DMD: variants seen among roughly 807,000 people sequenced by gnomAD.
DMD encodes dystrophin, also known as mutant dystrophin.
A neutral mutation model predicts 330.1 loss-of-function variants in DMD; 63 were observed. The observed-to-expected ratio is 0.19, with a 90% confidence interval of 0.16 to 0.24. The LOEUF (loss-of-function observed/expected upper bound fraction) is 0.24, where lower values mean the gene tolerates loss of function less well. Ranked by LOEUF, DMD falls within the 10% of genes least tolerant of loss-of-function variation. The probability of loss-of-function intolerance (pLI) is 1.00; values close to 1 mark genes in which losing one functional copy is unlikely to be tolerated. For synonymous variants in DMD, 1,223 were observed against 959.8 expected (o/e 1.27, Z -5.07); for missense variants, 3,344 against 2,684.1 (o/e 1.25, Z -5.43).
chrX:32,614,029 G>T (rs1264417857), intron 12 of DMD, among the ~76,000 whole-genome samples: 1 of 109,975 alleles, frequency 9.1e-6, no homozygotes, highest in African/African-American at 3.3e-5. Context: ...CTTTTATATG[G>T]GACTTGATCC....
Position 32,386,299 on chromosome X carries a change from C to T in DMD, c.4674+11G>A. ...TGGAAAGAAGTGTTTGTGGTCTCAG[C>T]ATGCACACACCTTTGCTCCCAGCTC... On this transcript the variant is annotated intron_variant, in intron 33 of 78. Transcript: ENST00000357033. 1 of 1,208,014 alleles carries T rather than the reference C, an allele frequency of 8.3e-7. No individual in the cohort carries two copies. The highest frequency in any genetic ancestry group is 1.1e-6 in the Non-Finnish European group (1 of 892,712).
rs186135322 is a variant in DMD, at chrX:32,946,926, G to A, written c.93+73213C>T. 4.3e-4 allele frequency among the ~76,000 whole-genome samples: 48 copies of A among 112,135 alleles called. No homozygotes were observed. In the East Asian group the frequency reaches 4.8e-3, roughly 11 times the overall value. ...GCATCTGTAAGTTTTAAAGACTCTC[G>A]TGATGTTCTAAATATCAGCAAAGGC... On this transcript the variant is annotated intron_variant, in intron 2 of 78. Transcript: ENST00000357033.
intron 2 of DMD, among the ~76,000 whole-genome samples, chrX:32,864,300 CAAGT>C (rs1057269417): frequency 1.8e-5 from 2 of 111,563 alleles, no homozygotes; most frequent in African/African-American, 6.5e-5. Context: ...GGTCACACAG[CAAGT>C]AAGTGCTAGA....
At chrX:32,852,760 C>A (rs1237910688) in intron 2 of DMD, among the ~76,000 whole-genome samples, 2 of 111,198 alleles carry the variant, frequency 1.8e-5, no homozygotes, top group Non-Finnish European at 3.8e-5. Context: ...AGGCAGTACT[C>A]ACCATGAGCC....
chrX:31,932,197 T>C lies in DMD; in HGVS notation c.6645A>G (p.Glu2215=). 1 of 1,192,622 alleles carries C rather than the reference T, an allele frequency of 8.4e-7. No homozygotes were observed. The highest frequency in any genetic ancestry group is 1.1e-6 in the Non-Finnish European group (1 of 878,334). ...RLEEQKNILS[E]FQRDLNEFVL... ...CAAATTCATTTAAATCTCTTTGAAATTCTGACAAGATATTCTTTTGTTCTT... is the reference window on the plus strand; with the variant it reads ...CAAATTCATTTAAATCTCTTTGAAACTCTGACAAGATATTCTTTTGTTCTT... Residue 2215 remains glutamate (E), a synonymous_variant, in exon 46 of 79, where the codon GAA becomes GAG. Transcript: ENST00000357033.
chrX:33,318,251 T>G (rs192801108), intron 1 of DMD, among the ~76,000 whole-genome samples: 1 of 110,725 alleles, frequency 9.0e-6, no homozygotes, highest in African/African-American at 3.3e-5. Flanking sequence ...GATATATATA[T>G]GATTTGATGA....
intron 44 of DMD, among the ~76,000 whole-genome samples, chrX:32,196,878 C>T (rs188315619): frequency 1.2e-3 from 123 of 102,299 alleles, no homozygotes; most frequent in African/African-American, 4.2e-3. Context: ...ACCAGCTACT[C>T]GGGAGGCTGA....
At chrX:32,452,717 A>T (rs923510103) in intron 26 of DMD, among the ~76,000 whole-genome samples, 3 of 110,255 alleles carry the variant, frequency 2.7e-5, no homozygotes, top group Non-Finnish European at 3.8e-5. Flanking sequence ...CTCAGGGGTG[A>T]CCTCCCCAAA....
intron 51 of DMD, among the ~76,000 whole-genome samples, chrX:31,745,239 T>A (rs893100273): frequency 9.1e-6 from 1 of 110,448 alleles, no homozygotes; most frequent in African/African-American, 3.3e-5. Context: ...AGCAGAGTGG[T>A]TGAGAAAGAG....
At chrX:31,829,490 T>C (rs2092971913) in intron 49 of DMD, among the ~76,000 whole-genome samples, 1 of 111,023 alleles carries the variant, frequency 9.0e-6, no homozygotes, top group African/African-American at 3.3e-5. Context: ...CTAAGGTAGC[T>C]ACAATTGTGG....
chrX:33,018,658 G>C (rs1432664790), intron 2 of DMD, among the ~76,000 whole-genome samples: 1 of 111,618 alleles, frequency 9.0e-6, no homozygotes, highest in Non-Finnish European at 1.9e-5. Context: ...TACTATTTCA[G>C]AAAATTTCTT....
chrX:32,968,428 A>T (rs1372717306), intron 2 of DMD, among the ~76,000 whole-genome samples: 6 of 111,916 alleles, frequency 5.4e-5, no homozygotes, highest in Admixed American at 9.5e-5. Context: ...GTCAATACTG[A>T]CAGGTCATCC....
At chrX:32,952,835 C>T (rs757473485) in intron 2 of DMD, among the ~76,000 whole-genome samples, 9 of 110,255 alleles carry the variant, frequency 8.2e-5, no homozygotes, top group African/African-American at 3.0e-4. Context: ...CTTCCAAATT[C>T]AAATTGAAAT....
At chrX:31,204,965 G>A (rs769516998) in intron 66 of DMD, among the ~76,000 whole-genome samples, 1 of 111,843 alleles carries the variant, frequency 8.9e-6, no homozygotes, top group African/African-American at 3.3e-5. Context: ...TGCTGGCATT[G>A]ATTCAATATG....
intron 62 of DMD, among the ~76,000 whole-genome samples, chrX:31,281,806 A>T (rs1484859830): frequency 8.9e-6 from 1 of 111,915 alleles, no homozygotes; most frequent in East Asian, 2.8e-4. Flanking sequence ...TTATCTAGAA[A>T]AGAATCCCGT....
intron 22 of DMD, among the ~76,000 whole-genome samples, chrX:32,470,460 T>C (rs1166327376): frequency 4.5e-5 from 5 of 112,039 alleles, no homozygotes; most frequent in Non-Finnish European, 7.5e-5. Flanking sequence ...CATATCTTTT[T>C]TTTTAGTTAG....
chrX:31,365,287 A>G, intron 60 of DMD, among the ~76,000 whole-genome samples: 2 of 110,171 alleles, frequency 1.8e-5, no homozygotes, highest in South Asian at 7.9e-4. Flanking sequence ...ATTTGAACCA[A>G]CCTCTCAGGG....
At chrX:31,603,893 A>G (rs2077488215) in intron 55 of DMD, among the ~76,000 whole-genome samples, 1 of 111,663 alleles carries the variant, frequency 9.0e-6, no homozygotes, top group South Asian at 3.7e-4. Context: ...TACTTCGTAA[A>G]GGAAGACTCC....
chrX:31,567,150 T>C (rs946818531), intron 55 of DMD, among the ~76,000 whole-genome samples: 4 of 111,915 alleles, frequency 3.6e-5, no homozygotes, highest in Non-Finnish European at 7.6e-5. Flanking sequence ...TACACAGTCA[T>C]GCCATCCACA....
Sources: allele counts gnomAD v4.1 joint callset (sites outside exome capture counted in the v4.1 genomes callset), GRCh38; gene constraint gnomAD v4.1.1; transcripts MANE v1.5; gene names NCBI Gene and HGNC (gene_info 2026-07-23, HGNC 2026-07-21).